PEX1: variants seen among roughly 807,000 people sequenced by gnomAD.
PEX1 encodes the protein peroxisomal biogenesis factor 1.
Under a neutral mutation model 152.5 loss-of-function variants are expected in PEX1, and 97 were observed. The observed-to-expected ratio is 0.64, with a 90% CI of 0.54 to 0.75. The LOEUF (loss-of-function observed/expected upper bound fraction) is 0.75. Among genes scored for constraint, PEX1 ranks in the 30% least tolerant of loss-of-function variants. PEX1 has a pLI of 0.00. For synonymous variants in PEX1, 485 were observed against 531.6 expected, an observed-to-expected ratio of 0.91 and a Z score of 1.21; for missense variants, 1,357 against 1,516.3, an observed-to-expected ratio of 0.89 and a Z score of 1.74.
intron 16 of PEX1, among the ~76,000 whole-genome samples, chr7:92,499,464 G>T (rs777441812): frequency 6.6e-6 from 1 of 152,160 alleles, no homozygotes. Context: ...CATATTGCAT[G>T]ATTTGTTTTA....
At chr7:92,508,011 ACTC>A (rs1457439391) in intron 9 of PEX1, among the ~76,000 whole-genome samples, 1 of 151,334 alleles carries the variant, frequency 6.6e-6, no homozygotes, top group Non-Finnish European at 1.5e-5. Flanking sequence ...CCCTAATAGA[ACTC>A]CTTAAGGAAT....
At chr7:92,506,386 T>C (rs1421662635) in intron 10 of PEX1, 42 bp from the exon 11 acceptor site, 1 of 1,212,368 alleles carries the variant, frequency 8.2e-7, no homozygotes, top group Non-Finnish European at 1.2e-6. Flanking sequence ...ATATATTCAG[T>C]CACAGAAATA....
chr7:92,501,689 C>CA lies in PEX1; in HGVS notation c.2417-17dup. 5.6e-6 allele frequency: 9 copies of CA among 1,603,438 alleles called. No homozygotes were observed. The highest frequency in any genetic ancestry group is 7.7e-6 in the Non-Finnish European group (9 of 1,170,910). On this transcript the variant is annotated splice_polypyrimidine_tract_variant and intron_variant, in intron 14 of 23. Transcript: ENST00000248633. Reference sequence around the variant, plus strand: ...AAAACTAATTCTGTTTAAAAATAAACAAAACTTCTTTTACTAGTTATATTC... The same window carrying CA: ...AAAACTAATTCTGTTTAAAAATAAACAAAAACTTCTTTTACTAGTTATATTC...
Position 92,528,326 on chromosome 7 carries a change from G to T in PEX1, c.110C>A (p.Ala37Asp). 6.4e-7 allele frequency: 1 copy of T among 1,564,248 alleles called. No individual in the cohort carries two copies. The stretch of plus-strand genomic sequence containing the variant: ...GGTTACCTGCAGCAGATGCAGCTGG[G>T]CCACGAGACGCCGCGGCAGGTGGAG... ...CFLHLPRRLVAQLHLLQNQAI... is the reference protein window; with the variant it reads ...CFLHLPRRLVDQLHLLQNQAI... The change falls in exon 1 of 24, where the codon GCC becomes GAC. Residue 37 changes from alanine (A) to aspartate (D), a missense_variant. Transcript: ENST00000248633.
chr7:92,510,899 T>G (rs771573295), intron 8 of PEX1, 45 bp downstream of exon 8: 51 of 1,021,442 alleles, frequency 5.0e-5, no homozygotes, highest in Non-Finnish European at 7.3e-5. Context: ...ATCAATCATA[T>G]GTAACAAATA....
intron 12 of PEX1, 124 bp from the exon 13 acceptor site, chr7:92,503,319 C>T (rs1792026693): frequency 1.3e-6 from 1 of 782,882 alleles, no homozygotes; most frequent in African/African-American, 1.7e-5. Flanking sequence ...TATGGTATCG[C>T]TCTTTCATGT....
At position 92,504,774 on chromosome 7, in the gene PEX1, C is replaced by T. The variant is rs1173437501; in HGVS notation, c.2029G>A (p.Glu677Lys). The change falls in exon 12 of 24, where the codon GAG becomes AAG. Residue 677 changes from glutamate to lysine, a missense_variant. Transcript: ENST00000248633. ...CTCTGCACCGCATCAGGACTGTGCTCATGTTCCGGGACAGCAGGCAGTCCA... is the reference window on the plus strand; with the variant it reads ...CTCTGCACCGCATCAGGACTGTGCTTATGTTCCGGGACAGCAGGCAGTCCA... ...IAGLPAVPEH[E>K]HSPDAVQSQR... 1 of 1,614,188 alleles carries T rather than the reference C, an allele frequency of 6.2e-7. No individual in the cohort carries two copies. Among genetic ancestry groups the T allele is most frequent in the East Asian group, 2.2e-5 (1 of 44,882 alleles).
At chr7:92,524,094 T>TC (rs1793162262) in intron 1 of PEX1, among the ~76,000 whole-genome samples, 1 of 151,276 alleles carries the variant, frequency 6.6e-6, no homozygotes, top group Non-Finnish European at 1.5e-5. Context: ...TACATGCAAT[T>TC]TTTTTTTTCC....
rs112833664 is a variant in PEX1, at chr7:92,489,183, T to G, written c.3767+110A>C. 1.6e-4 allele frequency: 163 copies of G among 1,033,684 alleles called. No homozygotes were observed. The African/African-American group carries it at 2.3e-3, about 15-fold the overall frequency. The allele number at this position is 1,033,684 out of a possible 1,614,324, so 64.0% of individuals were successfully genotyped here. A position where few individuals can be genotyped will look rare whatever the true frequency, so the allele number is the denominator to read the frequency against. The stretch of plus-strand genomic sequence containing the variant: ...ACGACACATATTTTTTGAATTAGCT[T>G]TTAAATATTCAAAATATTTTTATTT... On this transcript the variant is annotated intron_variant, in intron 23 of 23. Coordinates refer to ENST00000248633, the MANE Select transcript of PEX1 (RefSeq NM_000466.3).
At chr7:92,489,952 G>C (rs775889961) in intron 21 of PEX1, 41 bp from the exon 22 acceptor site, 5 of 1,495,408 alleles carry the variant, frequency 3.3e-6, no homozygotes, top group Middle Eastern at 1.7e-4. Flanking sequence ...GAAGGAAGAG[G>C]GGGAGAGAAA....
intron 10 of PEX1, 155 bp from the exon 11 acceptor site, chr7:92,506,499 G>A (rs1792198317): frequency 3.3e-5 from 21 of 640,178 alleles, no homozygotes; most frequent in South Asian, 2.1e-4. Flanking sequence ...CTCATTTTAT[G>A]AGGCCAGATT....
rs1163740917 is a variant in PEX1 at position 92,494,276 on chromosome 7, A to G, written c.3030+17T>C. 1 of 1,580,202 alleles carries G rather than the reference A, an allele frequency of 6.3e-7. No individual in the cohort carries two copies. The highest frequency in any genetic ancestry group is 1.3e-5 in the African/African-American group (1 of 74,314). On this transcript the variant is annotated intron_variant, in intron 19 of 23. Transcript: ENST00000248633. ...TAGCATTTGTTGGGTTTTGGACTCT[A>G]AATATGAAATTGTCACCTGATCAGG...
intron 1 of PEX1, among the ~76,000 whole-genome samples, chr7:92,527,551 T>C (rs573245746): frequency 6.6e-6 from 1 of 152,342 alleles, no homozygotes; most frequent in South Asian, 2.1e-4. Context: ...ATTCATTGCA[T>C]AGATTAGCCA....
At position 92,510,493 on chromosome 7, in the gene PEX1, A is replaced by T. The variant is rs534740616; in HGVS notation, c.1587+451T>A. ...AAAAAAAAAAAATAATAATATAATA[A>T]TAAAAAAACTTATGGAAGCAAAGAA... On this transcript the variant is annotated intron_variant, in intron 8 of 23. Coordinates refer to ENST00000248633, the MANE Select transcript of PEX1 (RefSeq NM_000466.3). 9.2e-5 allele frequency among the ~76,000 whole-genome samples: 14 copies of T among 151,786 alleles called. No individual in the cohort carries two copies. In the East Asian group the frequency reaches 2.7e-3, roughly 29 times the overall value.
Position 92,499,745 on chromosome 7 carries a change from C to T in PEX1, c.2677G>A (p.Val893Ile), listed in dbSNP as rs770527236. The T allele has an allele frequency of 6.2e-7, 1 of 1,613,284 alleles. No homozygotes were observed. The highest frequency in any genetic ancestry group is 1.1e-5 in the South Asian group (1 of 91,054). ...TTCATTCTACTCTCTCGTGCAATTA[C>T]CCCAGCTAGTAAGGTTTTTCCTGTT... ...PGTGKTLLAG[V>I]IARESRMNFI... Residue 893 changes from valine (V) to isoleucine (I), a missense_variant, in exon 16 of 24, where the codon GTA (valine) becomes ATA (isoleucine). Transcript: ENST00000248633.
Position 92,494,731 on chromosome 7 carries a change from T to C in PEX1, c.2784-102A>G. 6 of 769,850 alleles carry C rather than the reference T, an allele frequency of 7.8e-6. No homozygotes were observed. In the Admixed American group the frequency reaches 1.3e-4, roughly 17 times the overall value. 47.7% of individuals were successfully genotyped at this position (769,850 alleles called of 1,614,324 possible). On this transcript the variant is annotated intron_variant, in intron 17 of 23. Transcript: ENST00000248633. ...TGTATTTATTTTATGTATTTATATA[T>C]ATTTATATACTTCTTTTAATTTTTA... is the stretch of plus-strand genomic sequence containing the variant.
chr7:92,512,341 A>T lies in PEX1; in HGVS notation c.1360-638T>A, dbSNP rs184638252. 5.5e-3 allele frequency among the ~76,000 whole-genome samples: 826 copies of T among 151,086 alleles called. 10 individuals are homozygous for T. Among genetic ancestry groups the T allele is most frequent in the African/African-American group, 0.018 (756 of 41,148 alleles). On this transcript the variant is annotated intron_variant, in intron 6 of 23. Transcript: ENST00000248633. ...CTGGCCTAATAATCTATTTAAAAAA[A>T]TTTTTTTTGAGATATTGCCTAGGCT...
At chr7:92,516,040 AG>A (rs1333780685) in intron 5 of PEX1, among the ~76,000 whole-genome samples, 1,505 of 112,918 alleles carry the variant, frequency 0.013, 39 homozygotes, top group East Asian at 0.1. Context: ...AGAGAAGAGA[AG>A]AGAAGAGAAG....
chr7:92,527,281 C>T (rs1793315230), intron 1 of PEX1, among the ~76,000 whole-genome samples: 1 of 152,176 alleles, frequency 6.6e-6, no homozygotes, highest in Non-Finnish European at 1.5e-5. Flanking sequence ...GATTTGAAAA[C>T]ATGTTGAAAA....
Sources: allele counts gnomAD v4.1 joint callset (sites outside exome capture counted in the v4.1 genomes callset), GRCh38; gene constraint gnomAD v4.1.1; transcripts MANE v1.5; gene names NCBI Gene and HGNC (gene_info 2026-07-23, HGNC 2026-07-21).